GEMIN7: variants seen among roughly 807,000 people sequenced by gnomAD.
GEMIN7 encodes gem nuclear organelle associated protein 7.
In GEMIN7, 7 loss-of-function variants were observed where a neutral mutation model predicts 7.8. That is an observed-to-expected ratio of 0.90 (90% CI 0.51 to 1.69). GEMIN7 has a LOEUF of 1.69. Among genes scored for constraint, GEMIN7 ranks in the 40% most tolerant of loss-of-function variants. The pLI, the probability that GEMIN7 is intolerant of heterozygous loss-of-function variation, is 0.00. For synonymous variants in GEMIN7, 68 were observed against 72.4 expected, an observed-to-expected ratio of 0.94 and a Z score of 0.31; for missense variants, 159 against 176.2, an observed-to-expected ratio of 0.90 and a Z score of 0.55.
At chr19:45,075,663 G>A (rs564335909), upstream of GEMIN7, 6 of 1,600,362 alleles carry the variant, frequency 3.7e-6, no homozygotes, top group African/African-American at 1.3e-5. Flanking sequence ...TTTCCAGCAG[G>A]AAGCCCAGCC....
chr19:45,078,097 C>CTTTTTTTT (rs57149861), upstream of GEMIN7, among the ~76,000 whole-genome samples: 3 of 96,656 alleles, frequency 3.1e-5, no homozygotes, highest in Non-Finnish European at 3.8e-5. Flanking sequence ...TTATTTTACT[C>CTTTTTTTT]TTTTTTTTTT....
chr19:45,077,982 A>AGGTGTGAGACACT, upstream of GEMIN7, among the ~76,000 whole-genome samples: 1 of 151,786 alleles, frequency 6.6e-6, no homozygotes, highest in East Asian at 1.9e-4. Flanking sequence ...CTCCTGCTTC[A>AGGTGTGAGACACT]GCATCCCAAA....
chr19:45,086,355 C>T (rs911190794), intron 2 of GEMIN7, among the ~76,000 whole-genome samples: 3 of 152,160 alleles, frequency 2.0e-5, no homozygotes, highest in African/African-American at 7.2e-5. Context: ...TGTCACTCAG[C>T]TCAGTTAGTC....
upstream of GEMIN7, chr19:45,076,088 G>C (rs200957174): frequency 6.3e-7 from 1 of 1,581,398 alleles, no homozygotes; most frequent in South Asian, 1.1e-5. The surrounding 1 kb of genome is among the most constrained non-coding windows in gnomAD (Gnocchi z 4.9). Flanking sequence ...GGATAGTTCG[G>C]GGTCAACGGC....
At chr19:45,079,089 G>A (rs1334381518), upstream of GEMIN7, 8 of 152,226 alleles carry the variant, frequency 5.3e-5, no homozygotes, top group Non-Finnish European at 8.8e-5. Context: ...TCGGTCCCAA[G>A]TGCCCCGCAA....
chr19:45,090,642 G>A lies in GEMIN7; in HGVS notation c.*132G>A, dbSNP rs571936605. 8 of 828,992 alleles carry A rather than the reference G, an allele frequency of 9.7e-6. No individual in the cohort carries two copies. In the Admixed American group the frequency reaches 1.4e-4, roughly 14 times the overall value. The allele number at this position is 828,992 out of a possible 1,614,324, so 51.4% of individuals were successfully genotyped here. On this transcript the variant is annotated 3_prime_UTR_variant, in exon 3 of 3. Coordinates refer to ENST00000270257, the MANE Select transcript of GEMIN7 (RefSeq NM_024707.3). ...GAATTTTGAGCCAAGCTTTAAGCAA[G>A]TCTGGACTCCTGAGACCTCCTGGGT...
At position 45,081,195 on chromosome 19, in the gene GEMIN7, G is replaced by A. The variant is rs756056066; in HGVS notation, c.-9+1166G>A. ...AATTAGAAAATGCAAGGCCGGGCAC[G>A]GTGGCTCATGCCTGTAATCCCAGCA... On this transcript the variant is annotated intron_variant, in intron 2 of 2. Coordinates refer to ENST00000270257, the MANE Select transcript of GEMIN7 (RefSeq NM_024707.3). Among the ~76,000 whole-genome samples the A allele has an allele frequency of 3.2e-4, 48 of 152,084 alleles. 1 individual carries two copies. The highest frequency in any genetic ancestry group is 4.6e-4 in the Non-Finnish European group (31 of 68,014).
intron 2 of GEMIN7, among the ~76,000 whole-genome samples, chr19:45,083,690 C>G (rs963219587): frequency 1.4e-5 from 2 of 147,988 alleles, no homozygotes; most frequent in African/African-American, 5.0e-5. Context: ...GCCTCAGCCT[C>G]CTCCGGCTCA....
chr19:45,078,764 T>C (rs1008586726), upstream of GEMIN7, among the ~76,000 whole-genome samples: 1 of 152,250 alleles, frequency 6.6e-6, no homozygotes, highest in East Asian at 1.9e-4. Flanking sequence ...ATATTCCCCA[T>C]TCAAGGCCTC....
intron 2 of GEMIN7, 38 bp downstream of exon 2, chr19:45,080,067 T>A (rs1367290033): frequency 2.0e-5 from 3 of 152,266 alleles, no homozygotes; most frequent in Non-Finnish European, 4.4e-5. Flanking sequence ...GACCTAAGTG[T>A]TGGGCTCTTG....
At chr19:45,086,538 G>C (rs1037130688) in intron 2 of GEMIN7, among the ~76,000 whole-genome samples, 1 of 152,104 alleles carries the variant, frequency 6.6e-6, no homozygotes, top group African/African-American at 2.4e-5. Flanking sequence ...TGGTAGGTTA[G>C]TTAGGTAATT....
upstream of GEMIN7, chr19:45,076,647 A>G: frequency 3.3e-6 from 1 of 301,836 alleles, no homozygotes. This position sits in a 1 kb window ranked among gnomAD's most constrained non-coding sequence, Gnocchi z 4.9. Flanking sequence ...ATTTAATCAC[A>G]CCGAGTTCCC....
intron 2 of GEMIN7, among the ~76,000 whole-genome samples, chr19:45,086,492 C>A (rs985370495): frequency 7.3e-4 from 111 of 152,256 alleles, no homozygotes; most frequent in African/African-American, 2.6e-3. Context: ...AACATCATAG[C>A]ATAGCGCTTC....
At chr19:45,088,146 A>G (rs1017879462) in intron 2 of GEMIN7, among the ~76,000 whole-genome samples, 5 of 151,896 alleles carry the variant, frequency 3.3e-5, no homozygotes, top group African/African-American at 9.7e-5. Context: ...GGGTTTCACC[A>G]TGTTGGCCAG....
chr19:45,076,003 C>T (rs1967339882), upstream of GEMIN7: 1 of 1,567,588 alleles, frequency 6.4e-7, no homozygotes, highest in Admixed American at 2.0e-5. This position sits in a 1 kb window ranked among gnomAD's most constrained non-coding sequence, Gnocchi z 4.9. Flanking sequence ...GCGAGGGGCC[C>T]ATGCCCAAAG....
chr19:45,090,185 G>A lies in GEMIN7; in HGVS notation c.71G>A (p.Gly24Asp), dbSNP rs1328473282. The A allele has an allele frequency of 1.2e-6, 2 of 1,614,066 alleles. No homozygotes were observed. The highest frequency in any genetic ancestry group is 2.7e-5 in the African/African-American group (2 of 74,946). Residue 24 changes from glycine (G) to aspartate (D), a missense_variant, in exon 3 of 3, where the codon GGC (glycine) becomes GAC (aspartate). Coordinates refer to ENST00000270257, the MANE Select transcript of GEMIN7 (RefSeq NM_024707.3). ...CGGGGCCCTGATGGCTTCAGCCGTGGCTTTGCCCCTGATGGACGCAGAGCC... is the reference window on the plus strand; with the variant it reads ...CGGGGCCCTGATGGCTTCAGCCGTGACTTTGCCCCTGATGGACGCAGAGCC... ...LPRGPDGFSR[G>D]FAPDGRRAPL...
At chr19:45,078,703 GAC>G, upstream of GEMIN7, among the ~76,000 whole-genome samples, 1 of 152,174 alleles carries the variant, frequency 6.6e-6, no homozygotes, top group Non-Finnish European at 1.5e-5. Context: ...GCGTAAAGAG[GAC>G]CCCGCAAGGA....
intron 2 of GEMIN7, chr19:45,088,604 G>A (rs2122684035): frequency 6.6e-6 from 1 of 152,288 alleles, no homozygotes. Context: ...TGGGATTATA[G>A]GCATGAGCCA....
intron 2 of GEMIN7, 67 bp from the exon 3 acceptor site, chr19:45,090,040 C>G: frequency 6.7e-7 from 1 of 1,494,576 alleles, no homozygotes; most frequent in Non-Finnish European, 9.1e-7. Context: ...TGCTTCCACT[C>G]CTCCCTCCTC....
Sources: gnomAD v4.1 joint callset for allele counts (sites outside exome capture counted in the v4.1 genomes callset) on GRCh38, gnomAD v4.1.1 for gene constraint, Gnocchi (gnomAD v3.1) non-coding constraint, MANE v1.5 for transcripts, NCBI Gene and HGNC (gene_info 2026-07-23, HGNC 2026-07-21) for gene names.